TBC1D5: variants seen among roughly 807,000 people sequenced by gnomAD.
TBC1D5 encodes the protein TBC1 domain family, member 5.
In TBC1D5, 75 loss-of-function variants were observed where a neutral mutation model predicts 100.3. That is an observed-to-expected ratio of 0.75 (90% CI 0.62 to 0.91). The LOEUF (loss-of-function observed/expected upper bound fraction) is 0.91. TBC1D5 is among the 40% of genes least tolerant of loss of function. The probability of loss-of-function intolerance (pLI) is 0.00; values close to 1 mark genes in which losing one functional copy is unlikely to be tolerated. For synonymous variants in TBC1D5, 323 were observed against 325.6 expected, an observed-to-expected ratio of 0.99 and a Z score of 0.09; for missense variants, 910 against 942.4, an observed-to-expected ratio of 0.97 and a Z score of 0.45.
chr3:17,529,357 A>G (rs1368171355), intron 2 of TBC1D5, among the ~76,000 whole-genome samples: 2 of 152,148 alleles, frequency 1.3e-5, no homozygotes, highest in African/African-American at 2.4e-5. Flanking sequence ...CCTGGGGAAT[A>G]AAACATATAT....
chr3:17,657,353 G>T (rs2066183530), intron 1 of TBC1D5, among the ~76,000 whole-genome samples: 1 of 146,364 alleles, frequency 6.8e-6, no homozygotes, highest in Non-Finnish European at 1.5e-5. Context: ...TTTTTTTGCG[G>T]GGGGACAGAG....
chr3:17,480,987 G>GGTGA (rs774288160), intron 3 of TBC1D5, among the ~76,000 whole-genome samples: 12 of 152,286 alleles, frequency 7.9e-5, no homozygotes, highest in Non-Finnish European at 1.3e-4. Context: ...CCACATTGTG[G>GGTGA]GCAATCAAAA....
At chr3:17,239,129 C>A (rs1266782450) in intron 16 of TBC1D5, among the ~76,000 whole-genome samples, 1 of 152,120 alleles carries the variant, frequency 6.6e-6, no homozygotes, top group Non-Finnish European at 1.5e-5. Context: ...ATACAAGTTT[C>A]ATGAGGGCAA....
At chr3:17,639,078 G>A (rs1457391699) in intron 1 of TBC1D5, among the ~76,000 whole-genome samples, 1 of 152,100 alleles carries the variant, frequency 6.6e-6, no homozygotes, top group African/African-American at 2.4e-5. Context: ...ATTCTTAGCA[G>A]ATTTATTAAT....
chr3:17,274,704 T>C (rs1200897312), intron 15 of TBC1D5, among the ~76,000 whole-genome samples: 1 of 152,214 alleles, frequency 6.6e-6, no homozygotes, highest in Non-Finnish European at 1.5e-5. Flanking sequence ...CAATACCCAC[T>C]TTAAGTAGAA....
At chr3:17,366,322 A>G (rs762144897) in intron 13 of TBC1D5, among the ~76,000 whole-genome samples, 92 of 151,982 alleles carry the variant, frequency 6.1e-4, no homozygotes, top group Non-Finnish European at 1.0e-3. Context: ...ACAAAAAAAC[A>G]AAAAACAAAC....
chr3:17,428,390 AT>A, intron 4 of TBC1D5, 59 bp downstream of exon 4: 3 of 527,850 alleles, frequency 5.7e-6, no homozygotes, highest in Non-Finnish European at 8.1e-6. Context: ...ATCTTATAAT[AT>A]TATATGTGTG....
chr3:17,710,517 T>G (rs1284749544), intron 1 of TBC1D5, among the ~76,000 whole-genome samples: 1 of 151,806 alleles, frequency 6.6e-6, no homozygotes, highest in African/African-American at 2.4e-5. Flanking sequence ...TGAGCTGAGA[T>G]CGTGCCATTG....
chr3:17,333,075 G>A (rs982005007), intron 13 of TBC1D5: 1 of 152,302 alleles, frequency 6.6e-6, no homozygotes, highest in Non-Finnish European at 1.5e-5. Flanking sequence ...CAGTACAGGG[G>A]TGGGTGGTGT....
intron 2 of TBC1D5, among the ~76,000 whole-genome samples, chr3:17,597,741 T>C (rs564206547): frequency 1.7e-4 from 26 of 152,306 alleles, no homozygotes; most frequent in African/African-American, 5.8e-4. Flanking sequence ...TTGTCCCAAA[T>C]ACTCACAGTC....
chr3:17,420,348 A>C (rs1433454611), intron 4 of TBC1D5, among the ~76,000 whole-genome samples: 2 of 152,182 alleles, frequency 1.3e-5, no homozygotes, highest in African/African-American at 4.8e-5. Flanking sequence ...ATAAAAAAAT[A>C]GGCAAATGTT....
chr3:17,308,404 C>T (rs541852754), intron 13 of TBC1D5, among the ~76,000 whole-genome samples: 2 of 152,084 alleles, frequency 1.3e-5, no homozygotes, highest in South Asian at 4.1e-4. Context: ...ATAGAAATCA[C>T]AAATTCCCAA....
intron 17 of TBC1D5, among the ~76,000 whole-genome samples, chr3:17,223,559 C>A (rs1476016597): frequency 6.6e-6 from 1 of 152,080 alleles, no homozygotes; most frequent in Non-Finnish European, 1.5e-5. Flanking sequence ...CAGATTTGTC[C>A]AAACTTAAAA....
intron 3 of TBC1D5, among the ~76,000 whole-genome samples, chr3:17,506,918 A>G (rs1343018292): frequency 1.3e-5 from 2 of 152,168 alleles, no homozygotes; most frequent in Non-Finnish European, 2.9e-5. Flanking sequence ...TGGGAGGCTG[A>G]GGCAGGAGAA....
At chr3:17,243,336 G>C (rs1444459631) in intron 16 of TBC1D5, among the ~76,000 whole-genome samples, 1 of 152,118 alleles carries the variant, frequency 6.6e-6, no homozygotes, top group African/African-American at 2.4e-5. Context: ...AGGCTAAAGA[G>C]ATACCCAATA....
intron 2 of TBC1D5, among the ~76,000 whole-genome samples, chr3:17,561,829 G>A (rs564895427): frequency 1.3e-5 from 2 of 152,262 alleles, no homozygotes; most frequent in South Asian, 2.1e-4. Flanking sequence ...CAAGAGGAAC[G>A]ATCTCACAAA....
At chr3:17,676,445 G>A (rs1002778648) in intron 1 of TBC1D5, among the ~76,000 whole-genome samples, 33 of 152,178 alleles carry the variant, frequency 2.2e-4, no homozygotes, top group Admixed American at 1.7e-3. Context: ...AACTTGCAAG[G>A]GATGTGAAGG....
intron 3 of TBC1D5, among the ~76,000 whole-genome samples, chr3:17,495,453 T>G (rs1244976542): frequency 6.6e-6 from 1 of 152,262 alleles, no homozygotes; most frequent in African/African-American, 2.4e-5. Flanking sequence ...CCTTTTCACA[T>G]TAAGTTGCCA....
intron 1 of TBC1D5, among the ~76,000 whole-genome samples, chr3:17,723,005 T>C (rs1230015727): frequency 1.3e-5 from 2 of 152,184 alleles, no homozygotes; most frequent in Non-Finnish European, 2.9e-5. Context: ...ATTTCAAATA[T>C]GAATATTAAG....
Sources: allele counts gnomAD v4.1 joint callset (sites outside exome capture counted in the v4.1 genomes callset), GRCh38; gene constraint gnomAD v4.1.1; transcripts MANE v1.5; gene names NCBI Gene and HGNC (gene_info 2026-07-23, HGNC 2026-07-21).